Variants in CELF6 observed in about 807,000 individuals in gnomAD.
The protein encoded by CELF6 is CUGBP Elav-like family member 6, also known as Bruno -like 6, RNA binding protein.
A neutral mutation model predicts 53.1 loss-of-function variants in CELF6; 32 were observed. That is an observed-to-expected ratio of 0.60 (90% CI 0.46 to 0.81). CELF6 has a LOEUF of 0.81. Among genes scored for constraint, CELF6 ranks in the 30% least tolerant of loss-of-function variants. The pLI, the probability that CELF6 is intolerant of heterozygous loss-of-function variation, is 0.00. For missense variants in CELF6, 539 were observed against 669.5 expected (o/e 0.81, Z 2.15); for synonymous variants, 291 against 288.8 (o/e 1.01, Z -0.08).
chr15:72,299,845 C>A (rs12440435), intron 3 of CELF6, among the ~76,000 whole-genome samples: 4,561 of 152,216 alleles, frequency 0.03, 148 homozygotes, highest in East Asian at 0.16. Flanking sequence ...AGAATTTATG[C>A]AAACTCACTG....
chr15:72,287,029 G>T (rs2278150), intron 12 of CELF6, among the ~76,000 whole-genome samples: 113,715 of 152,200 alleles, frequency 0.75, 48,462 homozygotes, highest in Non-Finnish European at 0.94. Context: ...CTCCTAGACT[G>T]CGGGGCAGGA....
intron 4 of CELF6, 31 bp from the exon 5 acceptor site, chr15:72,290,049 A>G: frequency 6.2e-7 from 1 of 1,613,194 alleles, no homozygotes; most frequent in South Asian, 1.1e-5. Flanking sequence ...CGGGTGGCTC[A>G]GGCCACAGGG....
chr15:72,291,774 G>A (rs1166997933), intron 3 of CELF6, among the ~76,000 whole-genome samples: 1 of 152,222 alleles, frequency 6.6e-6, no homozygotes, highest in Non-Finnish European at 1.5e-5. Context: ...GGCAGGGGCT[G>A]CAGTTCATAA....
At chr15:72,294,377 G>A (rs34115124) in intron 3 of CELF6, among the ~76,000 whole-genome samples, 1,795 of 152,242 alleles carry the variant, frequency 0.012, 16 homozygotes, top group East Asian at 0.026. Flanking sequence ...ATTTTTCAAT[G>A]TAAATGCCAA....
chr15:72,316,863 C>A (rs953282706), intron 1 of CELF6, among the ~76,000 whole-genome samples: 1 of 152,158 alleles, frequency 6.6e-6, no homozygotes, highest in Non-Finnish European at 1.5e-5. Flanking sequence ...CACACATTCC[C>A]TGCCCTCATG....
At chr15:72,315,486 A>C (rs970021225) in intron 2 of CELF6, among the ~76,000 whole-genome samples, 3 of 152,208 alleles carry the variant, frequency 2.0e-5, no homozygotes, top group Non-Finnish European at 4.4e-5. Context: ...ATGGGCTACC[A>C]GTCCAGCAGA....
intron 3 of CELF6, among the ~76,000 whole-genome samples, chr15:72,291,052 G>A (rs538801441): frequency 6.6e-6 from 1 of 152,190 alleles, no homozygotes; most frequent in East Asian, 1.9e-4. Context: ...TGATTCCCCT[G>A]TCCTCTTGCC....
chr15:72,312,472 C>CA (rs532863967), intron 2 of CELF6, among the ~76,000 whole-genome samples: 93 of 152,038 alleles, frequency 6.1e-4, no homozygotes, highest in Non-Finnish European at 9.1e-4. Context: ...ACTAAAAATA[C>CA]AAAAAAATTA....
In CELF6 at chr15:72,289,385, CA is replaced by C; in HGVS notation, c.869del (p.Leu290CysfsTer32). 1 of 1,554,426 alleles carries C rather than the reference CA, an allele frequency of 6.4e-7. No individual in the cohort carries two copies. The highest frequency in any genetic ancestry group is 8.6e-7 in the Non-Finnish European group (1 of 1,158,500). On this transcript the variant is annotated frameshift_variant, in exon 7 of 13. Transcript: ENST00000287202. LOFTEE classifies it high-confidence loss of function. This position sits in a 1 kb window ranked among gnomAD's most constrained non-coding sequence, Gnocchi z 7.6. The stretch of plus-strand genomic sequence containing the variant: ...CCCTGGGGGCCGTACCTGCCGCGGG[CA>C]ACAGAGGCGCAGCTACCAGGCTAAA... Reference protein sequence around the residue: ...AAFSLVAAPLLPAAAANSPPG... With the variant: ...AAFSLVAAPLXPAAAANSPPG...
In CELF6 at chr15:72,304,746, C is replaced by A; in HGVS notation, c.394G>T (p.Glu132Ter). ...GAGGTTGGTCAGACAGGGAAGTTACCTCCTCGGCCCTCACTGGCAGCTGGC... is the reference window on the plus strand; with the variant it reads ...GAGGTTGGTCAGACAGGGAAGTTACATCCTCGGCCCTCACTGGCAGCTGGC... ...VKPAASEGRGEDRKLFVGMLG... is the reference protein window; with the variant it reads ...VKPAASEGRG The change falls in exon 3 of 13, where the codon GAG (glutamate) becomes TAG (stop). Residue 132 changes from glutamate to a stop codon, truncating the protein, a stop_gained and splice_region_variant. Coordinates refer to ENST00000287202, the MANE Select transcript of CELF6 (RefSeq NM_052840.5). LOFTEE classifies it high-confidence loss of function. The A allele has an allele frequency of 1.9e-6, 3 of 1,614,118 alleles. No individual in the cohort carries two copies. The highest frequency in any genetic ancestry group is 2.5e-6 in the Non-Finnish European group (3 of 1,179,980).
intron 2 of CELF6, among the ~76,000 whole-genome samples, chr15:72,308,856 C>A (rs921980382): frequency 1.3e-5 from 2 of 152,058 alleles, no homozygotes; most frequent in Non-Finnish European, 2.9e-5. Context: ...CAGACACCCA[C>A]CACCATGCCC....
intron 2 of CELF6, among the ~76,000 whole-genome samples, chr15:72,308,103 G>T (rs1347443684): frequency 6.6e-6 from 1 of 152,146 alleles, no homozygotes; most frequent in Non-Finnish European, 1.5e-5. Context: ...CTTCTCTAAG[G>T]TCTCTGAGCC....
rs757304924 is a variant in CELF6, at chr15:72,289,127, G to A, written c.1030+11C>T. On this transcript the variant is annotated intron_variant, in intron 8 of 12. Transcript: ENST00000287202. The surrounding 1 kb of genome is among the most constrained non-coding windows in gnomAD (Gnocchi z 7.6). ...CATTTCGGGGGGATTTGGGCGGAGC[G>A]GGGGGCCCACCTGGATAAGGGGAGA... 5 of 1,513,546 alleles carry A rather than the reference G, an allele frequency of 3.3e-6. No homozygotes were observed. Among genetic ancestry groups the A allele is most frequent in the Admixed American group, 5.0e-5 (2 of 40,360 alleles). The allele number at this position is 1,513,546 out of a possible 1,614,324, so 93.8% of individuals were successfully genotyped here.
intron 2 of CELF6, among the ~76,000 whole-genome samples, chr15:72,307,652 C>T (rs2088247952): frequency 6.6e-6 from 1 of 152,202 alleles, no homozygotes; most frequent in African/African-American, 2.4e-5. Flanking sequence ...GGGATTTACC[C>T]CCAGATCTGT....
chr15:72,310,263 T>A (rs1435353603), intron 2 of CELF6, among the ~76,000 whole-genome samples: 2 of 152,044 alleles, frequency 1.3e-5, no homozygotes, highest in African/African-American at 2.4e-5. Context: ...CAGGGCAGAG[T>A]GGGACAGAAA....
In CELF6 at chr15:72,319,704, C is replaced by T. The variant is rs1404768865; in HGVS notation, c.171G>A (p.Leu57=). Residue 57 remains leucine (L), a synonymous_variant, in exon 1 of 13, where the codon TTG becomes TTA. Coordinates refer to ENST00000287202, the MANE Select transcript of CELF6 (RefSeq NM_052840.5). This position sits in a 1 kb window ranked among gnomAD's most constrained non-coding sequence, Gnocchi z 5.0. ...KLFVGQIPRG[L]DEQDLKPLFE... ...ACAGCGGCTTGAGGTCCTGCTCGTC[C>T]AAGCCCCGCGGGATCTGCCCCACGA... 1.3e-6 allele frequency: 2 copies of T among 1,595,604 alleles called. No individual in the cohort carries two copies. The highest frequency in any genetic ancestry group is 2.3e-5 in the East Asian group (1 of 44,014).
In CELF6 at chr15:72,319,532, G is replaced by C. The variant is rs918449864; in HGVS notation, c.262+81C>G. The C allele has an allele frequency of 8.3e-6, 12 of 1,450,776 alleles. No individual in the cohort carries two copies. The highest frequency in any genetic ancestry group is 6.6e-5 in the Admixed American group (3 of 45,766). The allele number at this position is 1,450,776 out of a possible 1,614,324, so 89.9% of individuals were successfully genotyped here. A position where few individuals can be genotyped will look rare whatever the true frequency, so the allele number is the denominator to read the frequency against. ...CTGGTGTTGGACTGGCTCTCGGCAGGGCTAGGGCTGGGGCTGGGCTGGGGT... is the reference window on the plus strand; with the variant it reads ...CTGGTGTTGGACTGGCTCTCGGCAGCGCTAGGGCTGGGGCTGGGCTGGGGT... On this transcript the variant is annotated intron_variant, in intron 1 of 12. Transcript: ENST00000287202. The surrounding 1 kb of genome is among the most constrained non-coding windows in gnomAD (Gnocchi z 5.0).
At chr15:72,300,791 G>A (rs1351101079) in intron 3 of CELF6, among the ~76,000 whole-genome samples, 3 of 151,634 alleles carry the variant, frequency 2.0e-5, no homozygotes, top group South Asian at 2.1e-4. Flanking sequence ...TGGAGATGGC[G>A]CCACTGTACT....
At chr15:72,315,802 C>T (rs1271653817) in intron 2 of CELF6, 43 bp downstream of exon 2, 7 of 1,393,100 alleles carry the variant, frequency 5.0e-6, no homozygotes, top group Non-Finnish European at 3.0e-6. Flanking sequence ...GGGCACTGTC[C>T]CCAGCCTGAG....
Sources: gnomAD v4.1 joint callset for allele counts (sites outside exome capture counted in the v4.1 genomes callset) on GRCh38, gnomAD v4.1.1 for gene constraint, Gnocchi (gnomAD v3.1) non-coding constraint, MANE v1.5 for transcripts, NCBI Gene and HGNC (gene_info 2026-07-23, HGNC 2026-07-21) for gene names.